Variants in NARF observed in about 807,000 individuals in gnomAD.
The protein encoded by NARF is iron-only hydrogenase-like protein 2.
A neutral mutation model predicts 48.0 loss-of-function variants in NARF; 41 were observed. The observed-to-expected ratio is 0.85, with a 90% CI of 0.66 to 1.11. The LOEUF (loss-of-function observed/expected upper bound fraction) is 1.11, where lower values mean the gene tolerates loss of function less well. Among genes scored for constraint, NARF ranks in the 50% least tolerant of loss-of-function variants. The pLI is 0.00. For missense variants in NARF, 613 were observed against 590.2 expected (o/e 1.04, Z -0.40); for synonymous variants, 215 against 225.5 (o/e 0.95, Z 0.42).
At chr17:82,459,116 C>A in intron 1 of NARF, 1 of 1,179,674 alleles carries the variant, frequency 8.5e-7, no homozygotes, top group Non-Finnish European at 1.0e-6. Flanking sequence ...CCGCGCACCA[C>A]AGTCCGAGTA....
chr17:82,489,777 G>A lies in NARF; in HGVS notation c.*1620G>A, dbSNP rs1461992207. The A allele has an allele frequency of 6.6e-6, 1 of 152,226 alleles. No homozygotes were observed. Among genetic ancestry groups the A allele is most frequent in the African/African-American group, 2.4e-5 (1 of 41,464 alleles). The allele number at this position is 152,226 out of a possible 1,614,324, so 9.4% of individuals were successfully genotyped here. ...CCCAGCACACTGGGAGGCCAAGGTGGGAGGATTGCTGGAGTCCAGGAGTTT... is the reference window on the plus strand; with the variant it reads ...CCCAGCACACTGGGAGGCCAAGGTGAGAGGATTGCTGGAGTCCAGGAGTTT... On this transcript the variant is annotated 3_prime_UTR_variant, in exon 11 of 11. Coordinates refer to ENST00000309794, the MANE Select transcript of NARF (RefSeq NM_012336.4).
chr17:82,458,663 C>A, upstream of NARF: 1 of 1,145,492 alleles, frequency 8.7e-7, no homozygotes, highest in Non-Finnish European at 1.2e-6. Flanking sequence ...CCGGTGCTCT[C>A]ATTGGCCGAG....
At chr17:82,480,461 TG>T (rs767601845) in intron 6 of NARF, 6 of 401,732 alleles carry the variant, frequency 1.5e-5, no homozygotes, top group Non-Finnish European at 2.6e-5. Context: ...CTCCACTGGC[TG>T]GGGGGCTTTG....
At chr17:82,473,004 G>C (rs955278133) in intron 5 of NARF, among the ~76,000 whole-genome samples, 1 of 151,418 alleles carries the variant, frequency 6.6e-6, no homozygotes, top group East Asian at 2.0e-4. Flanking sequence ...GCAGTGGCAC[G>C]ATCTCGGCTC....
intron 7 of NARF, 142 bp from the exon 8 acceptor site, chr17:82,483,574 T>A (rs1170534428): frequency 2.9e-6 from 2 of 696,496 alleles, no homozygotes; most frequent in Non-Finnish European, 5.1e-6. Context: ...ACTTTGCCCT[T>A]TAGATGGACT....
intron 2 of NARF, 118 bp downstream of exon 2, chr17:82,460,190 C>A: frequency 1.2e-6 from 1 of 821,394 alleles, no homozygotes; most frequent in Non-Finnish European, 1.9e-6. Flanking sequence ...AGTACGCGGG[C>A]ATGGTGGCTC....
chr17:82,483,318 TC>T, intron 7 of NARF: 1 of 322,628 alleles, frequency 3.1e-6, no homozygotes, highest in Non-Finnish European at 6.1e-6. Context: ...AGACTCCATC[TC>T]AAAAAAAAAA....
At chr17:82,462,172 G>A (rs1007635173) in intron 2 of NARF, among the ~76,000 whole-genome samples, 31 of 152,226 alleles carry the variant, frequency 2.0e-4, no homozygotes, top group Non-Finnish European at 1.0e-4. Flanking sequence ...GCCCTGCCAG[G>A]TCAGTGATGG....
chr17:82,482,318 G>T (rs2043983370), intron 7 of NARF: 1 of 329,194 alleles, frequency 3.0e-6, no homozygotes, highest in Non-Finnish European at 5.6e-6. Context: ...GTGGGGTGAT[G>T]TGGCAGGGGT....
At chr17:82,459,061 C>T in intron 1 of NARF, 1 of 1,202,734 alleles carries the variant, frequency 8.3e-7, no homozygotes, top group African/African-American at 1.6e-5. Flanking sequence ...CCATCTTTCC[C>T]ACGCCCGCGA....
chr17:82,478,596 C>T (rs1385599227), intron 5 of NARF: 3 of 659,738 alleles, frequency 4.5e-6, no homozygotes, highest in Admixed American at 2.1e-5. Flanking sequence ...CCAGTAGCCT[C>T]CAGGCCTGCA....
At chr17:82,478,604 G>T in intron 5 of NARF, 196 bp from the exon 6 acceptor site, 2 of 666,388 alleles carry the variant, frequency 3.0e-6, no homozygotes, top group Non-Finnish European at 5.5e-6. Context: ...CTCCAGGCCT[G>T]CAGGTTCCCA....
At position 82,464,346 on chromosome 17, in the gene NARF, T is replaced by G; in HGVS notation, c.168T>G (p.Cys56Trp). ...AKIFLSDCLACDSCMTAEEGV... is the reference protein window; with the variant it reads ...AKIFLSDCLAWDSCMTAEEGV... The stretch of plus-strand genomic sequence containing the variant: ...TATTTTTGAGCGACTGCCTGGCATG[T>G]GACAGCTGTATGACTGCAGAGGAAG... Residue 56 changes from cysteine (C) to tryptophan (W), a missense_variant, in exon 3 of 11, where the codon TGT becomes TGG. Physicochemically the swap from Cys to Trp is radical, Grantham distance 215. Transcript: ENST00000309794. 1 of 1,614,158 alleles carries G rather than the reference T, an allele frequency of 6.2e-7. No individual in the cohort carries two copies. The highest frequency in any genetic ancestry group is 8.5e-7 in the Non-Finnish European group (1 of 1,179,990).
intron 4 of NARF, among the ~76,000 whole-genome samples, chr17:82,469,807 T>C (rs1464751590): frequency 6.6e-6 from 1 of 152,180 alleles, no homozygotes. Flanking sequence ...TGTTTCACCA[T>C]GTTGGCCAGG....
At chr17:82,479,598 G>T (rs1441448042) in intron 6 of NARF, among the ~76,000 whole-genome samples, 2 of 152,184 alleles carry the variant, frequency 1.3e-5, no homozygotes, top group Non-Finnish European at 2.9e-5. Context: ...CCAGCCGCTG[G>T]CATGCCCCAC....
Position 82,472,433 on chromosome 17 carries a change from G to A in NARF, c.386-131G>A, listed in dbSNP as rs572167905. ...TGGGAGGCGGAGGTTGCAGTGAGCC[G>A]AGATTATGCCACTGCACTCTAGCCT... On this transcript the variant is annotated intron_variant, in intron 4 of 10. Coordinates refer to ENST00000309794, the MANE Select transcript of NARF (RefSeq NM_012336.4). 1.4e-4 allele frequency: 137 copies of A among 1,008,506 alleles called. 2 individuals carry two copies. The South Asian group carries it at 1.6e-3, about 12-fold the overall frequency. The allele number at this position is 1,008,506 out of a possible 1,614,324, so 62.5% of individuals were successfully genotyped here. A position where few individuals can be genotyped will look rare whatever the true frequency, so the allele number is the denominator to read the frequency against.
chr17:82,462,705 T>C (rs796435367), intron 2 of NARF: 6 of 152,500 alleles, frequency 3.9e-5, no homozygotes, highest in African/African-American at 1.4e-4. Flanking sequence ...ACAGGACTTC[T>C]GTAGAATGCA....
At chr17:82,463,757 A>G (rs2043492425) in intron 2 of NARF, 1 of 154,244 alleles carries the variant, frequency 6.5e-6, no homozygotes, top group African/African-American at 2.4e-5. Flanking sequence ...GTGACTCTAC[A>G]TCCAGGTCAG....
chr17:82,460,396 CAG>C (rs2043407480), intron 2 of NARF: 2 of 188,458 alleles, frequency 1.1e-5, no homozygotes, highest in South Asian at 1.7e-4. Flanking sequence ...CCCTGGAAGA[CAG>C]AGGTTGCAGT....
Sources: allele counts gnomAD v4.1 joint callset (sites outside exome capture counted in the v4.1 genomes callset), GRCh38; gene constraint gnomAD v4.1.1; transcripts MANE v1.5; gene names NCBI Gene and HGNC (gene_info 2026-07-23, HGNC 2026-07-21).